Variants in MKLN1 observed in about 807,000 individuals in gnomAD.
MKLN1 encodes muskelin.
Under a neutral mutation model 99.0 loss-of-function variants are expected in MKLN1, and 18 were observed. The observed-to-expected ratio is 0.18, with a 90% CI of 0.13 to 0.27. The LOEUF is 0.27. MKLN1 is among the 10% of genes least tolerant of loss of function. The pLI is 1.00. For synonymous variants in MKLN1, 288 were observed against 293.2 expected, an observed-to-expected ratio of 0.98 and a Z score of 0.18; for missense variants, 621 against 875.9, an observed-to-expected ratio of 0.71 and a Z score of 3.67.
At chr7:131,270,861 C>CTT (rs59225684) in intron 3 of MKLN1, among the ~76,000 whole-genome samples, 5,612 of 148,430 alleles carry the variant, frequency 0.038, 364 homozygotes, top group African/African-American at 0.13. Flanking sequence ...CTTGAATCAC[C>CTT]TTTTTTTTTT....
At chr7:131,215,258 G>A (rs1796963530) in intron 3 of MKLN1, among the ~76,000 whole-genome samples, 1 of 152,184 alleles carries the variant, frequency 6.6e-6, no homozygotes, top group African/African-American at 2.4e-5. Context: ...ATGTTGGCCA[G>A]GCTGGTCGTG....
intron 3 of MKLN1, among the ~76,000 whole-genome samples, chr7:131,207,570 C>G (rs932917046): frequency 6.6e-6 from 1 of 152,190 alleles, no homozygotes; most frequent in Non-Finnish European, 1.5e-5. Flanking sequence ...ATCAGCATCA[C>G]TAGCATGCCA....
intron 9 of MKLN1, among the ~76,000 whole-genome samples, chr7:131,436,351 G>A (rs1795675806): frequency 6.6e-6 from 1 of 152,086 alleles, no homozygotes; most frequent in Admixed American, 6.5e-5. Context: ...TGTCTCCTCT[G>A]TCAGTCATTC....
chr7:131,281,561 A>C (rs1196809662), intron 3 of MKLN1, among the ~76,000 whole-genome samples: 1 of 152,162 alleles, frequency 6.6e-6, no homozygotes, highest in African/African-American at 2.4e-5. Flanking sequence ...ATTTCTGTAA[A>C]ATAAAAAAAA....
At position 131,257,032 on chromosome 7, in the gene MKLN1, C is replaced by T. The variant is rs189332649; in HGVS notation, c.-179+54058C>T. 2.9e-3 allele frequency among the ~76,000 whole-genome samples: 435 copies of T among 152,194 alleles called. 5 individuals are homozygous for T. Among genetic ancestry groups the T allele is most frequent in the African/African-American group, 0.01 (420 of 41,528 alleles). On this transcript the variant is annotated intron_variant, in intron 3 of 7. Transcript: ENST00000416992. ...TATACATACATACTTGCTTTATTTT[C>T]TCCTCATCTTTAAAAGACATAAAAT...
At chr7:131,285,873 A>G (rs1331158912) in intron 3 of MKLN1, among the ~76,000 whole-genome samples, 1 of 152,114 alleles carries the variant, frequency 6.6e-6, no homozygotes, top group Non-Finnish European at 1.5e-5. Context: ...TTGCTCTTAT[A>G]AAAACCATTC....
At chr7:131,114,377 G>A (rs577687197) in intron 1 of MKLN1, among the ~76,000 whole-genome samples, 1 of 152,104 alleles carries the variant, frequency 6.6e-6, no homozygotes. Context: ...TAATTGAACA[G>A]GGAAGTCTAG....
At chr7:131,120,913 T>A (rs1345751826) in intron 1 of MKLN1, among the ~76,000 whole-genome samples, 1 of 152,248 alleles carries the variant, frequency 6.6e-6, no homozygotes, top group South Asian at 2.1e-4. Context: ...TTTTTGTATA[T>A]CTTTATAGCA....
intron 3 of MKLN1, among the ~76,000 whole-genome samples, chr7:131,321,801 C>T (rs1798781321): frequency 6.6e-6 from 1 of 152,160 alleles, no homozygotes; most frequent in Admixed American, 6.5e-5. Flanking sequence ...CAACACAGTC[C>T]TCACAAGATC....
chr7:131,426,349 A>G lies in MKLN1; in HGVS notation c.848-2684A>G, dbSNP rs1386789071. ...GTCAATTGCTATTGCTATTTTAGTTATATACCCCCTCTCCAGGCTTCAGAA... is the reference window on the plus strand; with the variant it reads ...GTCAATTGCTATTGCTATTTTAGTTGTATACCCCCTCTCCAGGCTTCAGAA... On this transcript the variant is annotated intron_variant, in intron 8 of 17. Transcript: ENST00000352689. Among the ~76,000 whole-genome samples, 3 of 152,210 alleles carry G rather than the reference A, an allele frequency of 2.0e-5. No individual in the cohort carries two copies. The East Asian group carries it at 5.8e-4, about 29-fold the overall frequency.
intron 16 of MKLN1, among the ~76,000 whole-genome samples, chr7:131,474,664 G>A (rs1323650216): frequency 6.6e-6 from 1 of 152,196 alleles, no homozygotes; most frequent in African/African-American, 2.4e-5. Context: ...AGAAATTCAT[G>A]AAATAGGAAA....
chr7:131,440,173 T>G (rs6947929), intron 10 of MKLN1, among the ~76,000 whole-genome samples: 7,517 of 152,162 alleles, frequency 0.049, 561 homozygotes, highest in African/African-American at 0.17. Flanking sequence ...TACCCAGAAA[T>G]ATCCAGAGGT....
At chr7:131,463,969 AG>A in intron 13 of MKLN1, among the ~76,000 whole-genome samples, 1 of 152,340 alleles carries the variant, frequency 6.6e-6, no homozygotes, top group Middle Eastern at 3.4e-3. Context: ...GTCAAATGAC[AG>A]CAATGTATAC....
chr7:131,482,559 A>G (rs1797154774), intron 17 of MKLN1, among the ~76,000 whole-genome samples: 1 of 152,172 alleles, frequency 6.6e-6, no homozygotes, highest in African/African-American at 2.4e-5. Flanking sequence ...CTCCTTTACC[A>G]CAAGTAGGAA....
At chr7:131,167,295 T>G (rs1361106354) in intron 2 of MKLN1, among the ~76,000 whole-genome samples, 1 of 152,178 alleles carries the variant, frequency 6.6e-6, no homozygotes, top group African/African-American at 2.4e-5. Context: ...GCAGTAAGTA[T>G]AAAGAGTCAT....
In MKLN1 at chr7:131,286,457, C is replaced by G. The variant is rs539946168; in HGVS notation, c.-179+83483C>G. On this transcript the variant is annotated intron_variant, in intron 3 of 7. Transcript: ENST00000416992. ...GTAGCTTTGTTTTTTTTTCCTCCCCCAAGGAATTGCCTCAGTAGGAATGGG... is the reference window on the plus strand; with the variant it reads ...GTAGCTTTGTTTTTTTTTCCTCCCCGAAGGAATTGCCTCAGTAGGAATGGG... Among the ~76,000 whole-genome samples the G allele has an allele frequency of 2.0e-5, 3 of 152,186 alleles. No homozygotes were observed. The East Asian group carries it at 5.8e-4, about 29-fold the overall frequency.
At chr7:131,196,678 G>T (rs1796649960) in intron 2 of MKLN1, among the ~76,000 whole-genome samples, 1 of 152,140 alleles carries the variant, frequency 6.6e-6, no homozygotes, top group Non-Finnish European at 1.5e-5. Flanking sequence ...AAGCTGAAAG[G>T]CTGCTTGTAC....
At chr7:131,483,567 C>G (rs1797184465) in intron 17 of MKLN1, among the ~76,000 whole-genome samples, 1 of 152,226 alleles carries the variant, frequency 6.6e-6, no homozygotes. Context: ...CAACATCACT[C>G]TAACTCATAC....
rs527597004 is a variant in MKLN1, at chr7:131,308,778, T to G, written c.-178-66646T>G. 5.8e-4 allele frequency among the ~76,000 whole-genome samples: 88 copies of G among 151,480 alleles called. 1 individual carries two copies. The South Asian group carries it at 0.012, about 20-fold the overall frequency. On this transcript the variant is annotated intron_variant, in intron 3 of 7. Transcript: ENST00000416992. The stretch of plus-strand genomic sequence containing the variant: ...TTTTGTATTTTTAGTAGAGACAGGG[T>G]TTCTCCATGTTAGTCAAGCTGGCTG...
Sources: allele counts gnomAD v4.1 joint callset (sites outside exome capture counted in the v4.1 genomes callset), GRCh38; gene constraint gnomAD v4.1.1; transcripts MANE v1.5; gene names NCBI Gene and HGNC (gene_info 2026-07-23, HGNC 2026-07-21).